The following BCAS3 variants were observed in gnomAD, a reference collection of about 807,000 sequenced individuals.
BCAS3 encodes BCAS4/BCAS3 fusion.
BCAS3 carries 53 observed loss-of-function variants against 116.1 expected under a neutral mutation model. The ratio of observed to expected loss-of-function variants is 0.46; its 90% CI spans 0.37 to 0.57. BCAS3 has a LOEUF of 0.57. BCAS3 is among the 20% of genes least tolerant of loss of function. The pLI is 0.00. For synonymous variants in BCAS3, 391 were observed against 408.2 expected, an observed-to-expected ratio of 0.96 and a Z score of 0.51; for missense variants, 917 against 1,165.4, an observed-to-expected ratio of 0.79 and a Z score of 3.10.
chr17:61,350,459 T>TG (rs2057768475), intron 22 of BCAS3, among the ~76,000 whole-genome samples: 2 of 105,788 alleles, frequency 1.9e-5, no homozygotes, highest in East Asian at 5.4e-4. Context: ...TAAATAAATT[T>TG]TATTGTATGT....
chr17:60,709,064 G>C (rs2037535015), intron 4 of BCAS3, among the ~76,000 whole-genome samples, 155 bp from the exon 5 acceptor site: 1 of 152,182 alleles, frequency 6.6e-6, no homozygotes. Context: ...AGATAGCCAG[G>C]ATGGACAACT....
chr17:60,985,665 T>C (rs1362794423), intron 14 of BCAS3, among the ~76,000 whole-genome samples: 2 of 152,076 alleles, frequency 1.3e-5, no homozygotes, highest in African/African-American at 2.4e-5. Context: ...TCCCCCCTCC[T>C]CCCTCCACTA....
At chr17:61,123,091 A>G (rs2075870885) in intron 22 of BCAS3, among the ~76,000 whole-genome samples, 1 of 151,892 alleles carries the variant, frequency 6.6e-6, no homozygotes, top group South Asian at 2.1e-4. Context: ...ACAGGCGCCC[A>G]CCACCATGTC....
At chr17:60,810,837 A>G (rs528382265) in intron 7 of BCAS3, 29 of 697,886 alleles carry the variant, frequency 4.2e-5, no homozygotes, top group African/African-American at 4.0e-4. Flanking sequence ...TAAAAGTCCT[A>G]CAAGCCCAGA....
At position 61,262,729 on chromosome 17, in the gene BCAS3, G is replaced by A. The variant is rs553913536; in HGVS notation, c.2426-105598G>A. The stretch of plus-strand genomic sequence containing the variant: ...TTTTTTGAGACAGAGTTTCACTCTT[G>A]TTGCCCAGGCTAGAGTGCAATGGCA... On this transcript the variant is annotated intron_variant, in intron 22 of 23. Transcript: ENST00000407086. 1.4e-4 allele frequency among the ~76,000 whole-genome samples: 18 copies of A among 132,098 alleles called. No homozygotes were observed. The Admixed American group carries it at 1.5e-3, about 11-fold the overall frequency. 86.7% of individuals were successfully genotyped at this position (132,098 alleles called of 152,430 possible). A position where few individuals can be genotyped will look rare whatever the true frequency, so the allele number is the denominator to read the frequency against.
rs2058882548 is a variant in BCAS3 at position 61,368,823 on chromosome 17, G to A, written c.2593+329G>A. 6.6e-6 allele frequency among the ~76,000 whole-genome samples: 1 copy of A among 152,202 alleles called. No individual in the cohort carries two copies. Among genetic ancestry groups the A allele is most frequent in the South Asian group, 2.1e-4 (1 of 4,836 alleles). ...CAGCGCTCAGGCACTGAGTCCTCAG[G>A]TTGTACCTCTTCAGACACGCTGGAG... On this transcript the variant is annotated intron_variant, in intron 23 of 23. Coordinates refer to ENST00000407086, the MANE Select transcript of BCAS3 (RefSeq NM_017679.5). The surrounding 1 kb of genome is among the most constrained non-coding windows in gnomAD (Gnocchi z 6.0).
In BCAS3 at chr17:60,910,605, C is replaced by T; in HGVS notation, c.896C>T (p.Thr299Ile). Residue 299 changes from threonine (T) to isoleucine (I), a missense_variant, in exon 12 of 24, where the codon ACA (threonine) becomes ATA (isoleucine). Physicochemically the swap from Thr to Ile is moderately conservative, Grantham distance 89. Coordinates refer to ENST00000407086, the MANE Select transcript of BCAS3 (RefSeq NM_017679.5). Reference sequence around the variant, plus strand: ...ACAGGCACACTGCCTTCAGGTGTGACAGAAGATGATGTTGCCATCCACAGT... The same window carrying T: ...ACAGGCACACTGCCTTCAGGTGTGATAGAAGATGATGTTGCCATCCACAGT... ...QLTGTLPSGVTEDDVAIHSNS... is the reference protein window; with the variant it reads ...QLTGTLPSGVIEDDVAIHSNS... 6.2e-7 allele frequency: 1 copy of T among 1,613,284 alleles called. No homozygotes were observed. Among genetic ancestry groups the T allele is most frequent in the Non-Finnish European group, 8.5e-7 (1 of 1,179,656 alleles).
intron 6 of BCAS3, among the ~76,000 whole-genome samples, chr17:60,795,547 G>C (rs2047139216): frequency 6.6e-6 from 1 of 152,180 alleles, no homozygotes; most frequent in African/African-American, 2.4e-5. Context: ...TATGTTGGCT[G>C]TGGGTTTGTT....
intron 7 of BCAS3, chr17:60,810,610 T>A (rs756334447): frequency 2.8e-6 from 2 of 705,796 alleles, no homozygotes; most frequent in Non-Finnish European, 5.3e-6. Context: ...GGACAGTGCC[T>A]GCATCGTTCT....
intron 20 of BCAS3, among the ~76,000 whole-genome samples, chr17:61,075,726 G>A (rs1385057308): frequency 6.6e-6 from 1 of 152,122 alleles, no homozygotes; most frequent in South Asian, 2.1e-4. Context: ...GATTTGTTTT[G>A]TGGAGCCAAC....
rs1301453887 is a variant in BCAS3 at position 61,128,748 on chromosome 17, G to A, written c.2425+44184G>A. 6.7e-6 allele frequency: 3 copies of A among 448,492 alleles called. No individual in the cohort carries two copies. Among genetic ancestry groups the A allele is most frequent in the Non-Finnish European group, 8.8e-6 (3 of 339,558 alleles). The allele number at this position is 448,492 out of a possible 1,614,324, so 27.8% of individuals were successfully genotyped here. A position where few individuals can be genotyped will look rare whatever the true frequency, so the allele number is the denominator to read the frequency against. ...ATTTTGCATTTACATCATCGTGCTAGCTGGTAGAATTTTTTCCCCCAGGAA... is the reference window on the plus strand; with the variant it reads ...ATTTTGCATTTACATCATCGTGCTAACTGGTAGAATTTTTTCCCCCAGGAA... On this transcript the variant is annotated intron_variant, in intron 22 of 23. Transcript: ENST00000407086. This position sits in a 1 kb window ranked among gnomAD's most constrained non-coding sequence, Gnocchi z 4.1.
At position 61,245,046 on chromosome 17, in the gene BCAS3, G is replaced by A. The variant is rs1347977168; in HGVS notation, c.2426-123281G>A. On this transcript the variant is annotated intron_variant, in intron 22 of 23. Coordinates refer to ENST00000407086, the MANE Select transcript of BCAS3 (RefSeq NM_017679.5). ...GCTGTAAGGACATAGCCGAGACTGG[G>A]TAATTTATAAAGGAAAGAGGTTTAA... is the stretch of plus-strand genomic sequence containing the variant. Among the ~76,000 whole-genome samples, 14 of 152,276 alleles carry A rather than the reference G, an allele frequency of 9.2e-5. No homozygotes were observed. The East Asian group carries it at 2.7e-3, about 29-fold the overall frequency.
At chr17:60,763,936 T>G (rs1292946456) in intron 6 of BCAS3, among the ~76,000 whole-genome samples, 2 of 152,220 alleles carry the variant, frequency 1.3e-5, no homozygotes, top group Non-Finnish European at 2.9e-5. Context: ...AGGGTGTATG[T>G]GTCCAGGAAT....
chr17:60,920,149 A>C (rs754448874), intron 12 of BCAS3, among the ~76,000 whole-genome samples: 18 of 152,242 alleles, frequency 1.2e-4, no homozygotes, highest in Non-Finnish European at 1.9e-4. Flanking sequence ...TAAAAATCAT[A>C]GATGAAAACC....
intron 22 of BCAS3, among the ~76,000 whole-genome samples, chr17:61,308,784 A>T (rs1487597911): frequency 1.3e-5 from 2 of 152,166 alleles, no homozygotes; most frequent in Non-Finnish European, 2.9e-5. Flanking sequence ...TCTATCAGTG[A>T]TTCCTAGCCA....
chr17:61,373,990 A>G (rs2059200898), intron 23 of BCAS3, among the ~76,000 whole-genome samples: 1 of 147,956 alleles, frequency 6.8e-6, no homozygotes, highest in Non-Finnish European at 1.5e-5. Context: ...TAATTTTTGT[A>G]TTTTTAGTAG....
intron 14 of BCAS3, among the ~76,000 whole-genome samples, chr17:60,983,609 C>T (rs2062946167): frequency 2.0e-5 from 3 of 152,156 alleles, no homozygotes; most frequent in Admixed American, 2.0e-4. Flanking sequence ...TGTCTTCCTG[C>T]CTTGATACTG....
intron 22 of BCAS3, among the ~76,000 whole-genome samples, chr17:61,308,906 T>C (rs1163512553): frequency 1.3e-5 from 2 of 152,198 alleles, no homozygotes; most frequent in Non-Finnish European, 2.9e-5. Flanking sequence ...TTTTATGCAC[T>C]GGAATCTGCC....
At chr17:61,057,058 T>C (rs2069456141) in intron 19 of BCAS3, among the ~76,000 whole-genome samples, 1 of 152,228 alleles carries the variant, frequency 6.6e-6, no homozygotes, top group Admixed American at 6.5e-5. Context: ...TGTAATCATA[T>C]AAATATGGAT....
Sources: allele counts gnomAD v4.1 joint callset (sites outside exome capture counted in the v4.1 genomes callset), GRCh38; gene constraint gnomAD v4.1.1; non-coding constraint Gnocchi (gnomAD v3.1); transcripts MANE v1.5; gene names NCBI Gene and HGNC (gene_info 2026-07-23, HGNC 2026-07-21).